Variants in MYO10 observed in about 807,000 individuals in gnomAD.
The protein encoded by MYO10 is myosin X.
MYO10 carries 133 observed loss-of-function variants against 257.3 expected under a neutral mutation model. That is an observed-to-expected ratio of 0.52 (90% CI 0.45 to 0.60). The LOEUF (loss-of-function observed/expected upper bound fraction) is 0.60. Among genes scored for constraint, MYO10 ranks in the 20% least tolerant of loss-of-function variants. The pLI is 0.00. For synonymous variants in MYO10, 1,104 were observed against 1,028.6 expected (o/e 1.07, Z -1.40); for missense variants, 2,399 against 2,635.7 (o/e 0.91, Z 1.97).
At chr5:16,830,427 C>T (rs1743129122) in intron 2 of MYO10, among the ~76,000 whole-genome samples, 2 of 151,644 alleles carry the variant, frequency 1.3e-5, no homozygotes, top group Non-Finnish European at 2.9e-5. Context: ...TTGTTGTTTT[C>T]GTTATGCTAA....
intron 1 of MYO10, among the ~76,000 whole-genome samples, chr5:16,887,296 T>C (rs1006770500): frequency 3.3e-5 from 5 of 152,150 alleles, no homozygotes; most frequent in African/African-American, 1.2e-4. Context: ...TCACCAACAA[T>C]ACACTAATCT....
At chr5:16,875,264 A>G (rs1744569638) in intron 2 of MYO10, among the ~76,000 whole-genome samples, 1 of 152,178 alleles carries the variant, frequency 6.6e-6, no homozygotes, top group South Asian at 2.1e-4. Context: ...CCCTTTTCAC[A>G]TCATCTTGAG....
At position 16,664,249 on chromosome 5, in the gene MYO10, T is replaced by C. The variant is rs2126437744; in HGVS notation, c.*2443A>G. On this transcript the variant is annotated 3_prime_UTR_variant, in exon 41 of 41. Coordinates refer to ENST00000513610, the MANE Select transcript of MYO10 (RefSeq NM_012334.3). Reference sequence around the variant, plus strand: ...TAAATCTATGTTCTAACTATGGTGCTGCTCTAACCCCCCCAATCTGAGTCA... The same window carrying C: ...TAAATCTATGTTCTAACTATGGTGCCGCTCTAACCCCCCCAATCTGAGTCA... 1 of 152,330 alleles carries C rather than the reference T, an allele frequency of 6.6e-6. No homozygotes were observed. Among genetic ancestry groups the C allele is most frequent in the East Asian group, 1.9e-4 (1 of 5,188 alleles). 9.4% of individuals were successfully genotyped at this position (152,330 alleles called of 1,614,324 possible).
rs561473603 is a variant in MYO10 at position 16,761,052 on chromosome 5, G to A, written c.1739+412C>T. ...GTCACCCAGGCTGGACTGCAATGGC[G>A]CAATCTTGGGTCACTGCAACCTCCA... On this transcript the variant is annotated intron_variant, in intron 17 of 40. Transcript: ENST00000513610. 2.5e-4 allele frequency among the ~76,000 whole-genome samples: 38 copies of A among 152,024 alleles called. No homozygotes were observed. The South Asian group carries it at 5.4e-3, about 22-fold the overall frequency.
intron 29 of MYO10, among the ~76,000 whole-genome samples, chr5:16,684,428 A>T (rs1201442283): frequency 1.3e-5 from 2 of 152,110 alleles, no homozygotes; most frequent in Admixed American, 6.5e-5. Flanking sequence ...TTTAGTAGAG[A>T]TGGGGTCTCG....
chr5:16,781,554 T>C (rs1044894139), intron 6 of MYO10, 151 bp downstream of exon 6: 8 of 813,574 alleles, frequency 9.8e-6, no homozygotes, highest in Non-Finnish European at 1.3e-5. Flanking sequence ...TTAACAGGTA[T>C]ACTAACATTA....
At chr5:16,781,641 T>C in intron 6 of MYO10, 64 bp downstream of exon 6, 2 of 1,462,836 alleles carry the variant, frequency 1.4e-6, no homozygotes, top group East Asian at 2.4e-5. Flanking sequence ...TCCTTATAAT[T>C]AGTGAGAACA....
At chr5:16,854,022 GTGATCTCGTC>G (rs1318430565) in intron 2 of MYO10, 1 of 152,050 alleles carries the variant, frequency 6.6e-6, no homozygotes, top group Non-Finnish European at 1.5e-5. Flanking sequence ...CTGAAGGTTC[GTGATCTCGTC>G]TGATCTCGTG....
intron 6 of MYO10, among the ~76,000 whole-genome samples, chr5:16,781,069 ATTTCACAGAATTT>A (rs1741406872): frequency 6.7e-6 from 1 of 149,540 alleles, no homozygotes; most frequent in African/African-American, 2.5e-5. Flanking sequence ...ACGGTTCTTT[ATTTCACAGAATTT>A]TTTTTTTTTT....
At chr5:16,861,510 T>C (rs1744107841) in intron 2 of MYO10, among the ~76,000 whole-genome samples, 1 of 152,058 alleles carries the variant, frequency 6.6e-6, no homozygotes, top group Non-Finnish European at 1.5e-5. Context: ...AGGCGGAGGT[T>C]GCAGTGAGCT....
intron 3 of MYO10, among the ~76,000 whole-genome samples, chr5:16,802,074 T>C (rs1742135491): frequency 1.3e-5 from 2 of 152,254 alleles, no homozygotes; most frequent in South Asian, 4.1e-4. Context: ...GTATCCAGAA[T>C]ACTCAAATTG....
Position 16,802,479 on chromosome 5 carries a change from A to G in MYO10, c.280-7646T>C, listed in dbSNP as rs184429485. On this transcript the variant is annotated intron_variant, in intron 3 of 40. Coordinates refer to ENST00000513610, the MANE Select transcript of MYO10 (RefSeq NM_012334.3). ...TGAGACCATCCTGGCTAACAGGGTG[A>G]AACCCCGTCTCTACTAAAAATACAA... is the stretch of plus-strand genomic sequence containing the variant. Among the ~76,000 whole-genome samples the G allele has an allele frequency of 9.9e-5, 15 of 151,982 alleles. No individual in the cohort carries two copies. In the East Asian group the frequency reaches 2.9e-3, roughly 30 times the overall value.
At chr5:16,763,023 C>T (rs1740765923) in intron 14 of MYO10, among the ~76,000 whole-genome samples, 1 of 150,738 alleles carries the variant, frequency 6.6e-6, no homozygotes, top group Non-Finnish European at 1.5e-5. Flanking sequence ...TTTGAGAGCT[C>T]TTCTCTACTC....
chr5:16,690,198 A>T (rs11740825), intron 27 of MYO10, among the ~76,000 whole-genome samples: 44,799 of 152,140 alleles, frequency 0.29, 6,776 homozygotes, highest in South Asian at 0.38. Flanking sequence ...TGCATTTGCA[A>T]CATACTAGCT....
chr5:16,699,623 G>A (rs1219666983), intron 25 of MYO10, 50 bp from the exon 26 acceptor site: 2 of 1,608,896 alleles, frequency 1.2e-6, no homozygotes, highest in Non-Finnish European at 8.5e-7. Context: ...CACAAAGCAA[G>A]CCACGAAGAT....
At chr5:16,739,908 C>T (rs1352272804) in intron 19 of MYO10, among the ~76,000 whole-genome samples, 1 of 151,996 alleles carries the variant, frequency 6.6e-6, no homozygotes, top group Non-Finnish European at 1.5e-5. Flanking sequence ...GAACGCAAAC[C>T]CCAGCATCTA....
chr5:16,700,326 A>G (rs1400727575), intron 25 of MYO10, among the ~76,000 whole-genome samples: 1 of 152,146 alleles, frequency 6.6e-6, no homozygotes, highest in East Asian at 1.9e-4. Context: ...GTTCCATTCA[A>G]ATTGTAAAAA....
intron 4 of MYO10, among the ~76,000 whole-genome samples, chr5:16,783,945 T>C (rs772811880): frequency 5.3e-5 from 8 of 152,170 alleles, no homozygotes; most frequent in Non-Finnish European, 1.2e-4. Flanking sequence ...AACCTGCGGG[T>C]ACACAACCCA....
chr5:16,752,180 T>C (rs528658950), intron 19 of MYO10, among the ~76,000 whole-genome samples: 10 of 152,318 alleles, frequency 6.6e-5, no homozygotes, highest in African/African-American at 2.2e-4. Flanking sequence ...ATGCCTACGA[T>C]TGTAAAACTG....
Sources: gnomAD v4.1 joint callset for allele counts (sites outside exome capture counted in the v4.1 genomes callset) on GRCh38, gnomAD v4.1.1 for gene constraint, MANE v1.5 for transcripts, NCBI Gene and HGNC (gene_info 2026-07-23, HGNC 2026-07-21) for gene names.